CCDC201: variants seen among roughly 807,000 people sequenced by gnomAD.
CCDC201 encodes coiled-coil domain containing 201, also known as coiled-coil domain-containing protein 201.
chr7:45,871,443 A>G (rs746593136), intron 1 of CCDC201, among the ~76,000 whole-genome samples: 8 of 152,236 alleles, frequency 5.3e-5, no homozygotes, highest in Non-Finnish European at 1.0e-4. Flanking sequence ...TCACCAAGAT[A>G]ACTCCAAGTG....
intron 2 of CCDC201, among the ~76,000 whole-genome samples, chr7:45,864,087 A>T (rs1188382696): frequency 2.0e-5 from 3 of 152,108 alleles, no homozygotes; most frequent in African/African-American, 7.2e-5. Context: ...CCTGGTGCCC[A>T]GTGTTTATGT....
exon 3 of CCDC201, chr7:45,861,927 A>G (rs1786607021): frequency 6.6e-6 from 1 of 152,250 alleles, no homozygotes; most frequent in Non-Finnish European, 1.5e-5. Flanking sequence ...GTATTTAGTA[A>G]CCATAACATG....
chr7:45,871,041 TA>T (rs1050219409), intron 1 of CCDC201, among the ~76,000 whole-genome samples: 15 of 152,230 alleles, frequency 9.9e-5, no homozygotes, highest in African/African-American at 2.4e-5. Context: ...AAAAGTGATC[TA>T]AAAATCAGTA....
At chr7:45,862,290 C>A (rs1786613133) in exon 3 of CCDC201, 1 of 152,242 alleles carries the variant, frequency 6.6e-6, no homozygotes, top group South Asian at 2.1e-4. Context: ...GCCCCTGATA[C>A]CAGGTGTGGT....
At chr7:45,872,601 A>C (rs1007280602) in intron 1 of CCDC201, among the ~76,000 whole-genome samples, 8 of 152,064 alleles carry the variant, frequency 5.3e-5, no homozygotes, top group African/African-American at 1.9e-4. Context: ...GTCTGACCCC[A>C]CCTGATGTCA....
At chr7:45,869,358 G>C (rs1165987919) in intron 1 of CCDC201, among the ~76,000 whole-genome samples, 1 of 152,216 alleles carries the variant, frequency 6.6e-6, no homozygotes, top group African/African-American at 2.4e-5. Context: ...AACCCAGATG[G>C]CTTATTGGCC....
At chr7:45,878,376 A>G in the CCDC201 span, among the ~76,000 whole-genome samples, 3 of 152,230 alleles carry the variant, frequency 2.0e-5, no homozygotes, top group African/African-American at 7.2e-5. Context: ...ACACTGCCCT[A>G]ATAAATGTTC....
the CCDC201 span, among the ~76,000 whole-genome samples, chr7:45,881,863 G>A: frequency 1.3e-5 from 2 of 152,136 alleles, no homozygotes; most frequent in African/African-American, 2.4e-5. Context: ...TTTTGTTGAC[G>A]TGACAAGAGC....
At chr7:45,875,494 T>G (rs1259949740), upstream of CCDC201, among the ~76,000 whole-genome samples, 1 of 148,942 alleles carries the variant, frequency 6.7e-6, no homozygotes, top group Non-Finnish European at 1.5e-5. Flanking sequence ...TGTACACACA[T>G]ATCCAAAAAG....
intron 2 of CCDC201, among the ~76,000 whole-genome samples, chr7:45,864,380 C>T (rs912951336): frequency 1.3e-5 from 2 of 152,216 alleles, no homozygotes; most frequent in Non-Finnish European, 2.9e-5. Context: ...TTCTCACCTT[C>T]AGCTCCCAGA....
intron 1 of CCDC201, among the ~76,000 whole-genome samples, chr7:45,867,390 T>G: frequency 6.6e-6 from 1 of 152,184 alleles, no homozygotes; most frequent in East Asian, 1.9e-4. Context: ...TTTTTGGTAG[T>G]AGGAGTAACA....
chr7:45,882,378 T>C, the CCDC201 span, among the ~76,000 whole-genome samples: 2 of 152,308 alleles, frequency 1.3e-5, no homozygotes, highest in African/African-American at 4.8e-5. Context: ...CAATCCATCA[T>C]CCCCATCTTA....
the CCDC201 span, among the ~76,000 whole-genome samples, chr7:45,885,059 A>G: frequency 6.6e-6 from 1 of 152,222 alleles, no homozygotes; most frequent in South Asian, 2.1e-4. Context: ...GGGGGATATC[A>G]GGATAGAGTC....
the CCDC201 span, among the ~76,000 whole-genome samples, chr7:45,878,169 A>G: frequency 6.6e-6 from 1 of 152,178 alleles, no homozygotes; most frequent in Non-Finnish European, 1.5e-5. Context: ...CCCCTGTGGG[A>G]CTGCAGGGTT....
chr7:45,861,799 C>T (rs1786605122), exon 3 of CCDC201: 1 of 152,224 alleles, frequency 6.6e-6, no homozygotes, highest in Admixed American at 6.5e-5. Flanking sequence ...CCTGTCCGCA[C>T]ACTTGAAGGG....
At chr7:45,876,924 G>A (rs1466529927), upstream of CCDC201, among the ~76,000 whole-genome samples, 2 of 152,192 alleles carry the variant, frequency 1.3e-5, no homozygotes, top group Non-Finnish European at 2.9e-5. Context: ...AGATGCGATC[G>A]AAGTCCAAGC....
At chr7:45,862,987 T>C (rs1263221748) in exon 3 of CCDC201, 2 of 152,322 alleles carry the variant, frequency 1.3e-5, no homozygotes, top group East Asian at 1.9e-4. Flanking sequence ...GGCAACAGCA[T>C]TGGGGGCCAG....
exon 3 of CCDC201, chr7:45,861,176 G>A (rs1277137532): frequency 6.6e-6 from 1 of 152,080 alleles, no homozygotes; most frequent in Non-Finnish European, 1.5e-5. Flanking sequence ...CAGACCACGG[G>A]AATAGTTCTC....
chr7:45,875,789 T>G (rs1363185789), upstream of CCDC201, among the ~76,000 whole-genome samples: 1 of 152,158 alleles, frequency 6.6e-6, no homozygotes, highest in African/African-American at 2.4e-5. Flanking sequence ...ATGTGCCACC[T>G]GGGCGTGACT....
Sources: allele counts gnomAD v4.1 joint callset (sites outside exome capture counted in the v4.1 genomes callset), GRCh38; gene constraint gnomAD v4.1.1; transcripts MANE v1.5; gene names NCBI Gene and HGNC (gene_info 2026-07-23, HGNC 2026-07-21).